The following TMEM182 variants were observed in gnomAD, a reference collection of about 807,000 sequenced individuals.
The protein encoded by TMEM182 is transmembrane protein 182.
Under a neutral mutation model 26.8 loss-of-function variants are expected in TMEM182, and 20 were observed. That is an observed-to-expected ratio of 0.75 (90% CI 0.53 to 1.09). The LOEUF is 1.09. Among genes scored for constraint, TMEM182 ranks in the 50% least tolerant of loss-of-function variants. TMEM182 has a pLI of 0.00. For synonymous variants in TMEM182, 109 were observed against 102.2 expected, an observed-to-expected ratio of 1.07 and a Z score of -0.40; for missense variants, 277 against 275.5, an observed-to-expected ratio of 1.01 and a Z score of -0.04.
At chr2:102,753,260 A>T (rs1679930316) in intron 1 of TMEM182, among the ~76,000 whole-genome samples, 2 of 151,380 alleles carry the variant, frequency 1.3e-5, no homozygotes, top group African/African-American at 4.8e-5. Flanking sequence ...TGTGAAATAG[A>T]GGCTGGAGCT....
At chr2:102,788,735 G>T (rs1297095545) in intron 3 of TMEM182, among the ~76,000 whole-genome samples, 1 of 152,066 alleles carries the variant, frequency 6.6e-6, no homozygotes, top group Non-Finnish European at 1.5e-5. Context: ...GTGGAAGGTG[G>T]AATCCCTCCC....
At chr2:102,835,654 T>A (rs914600860) in intron 3 of TMEM182, among the ~76,000 whole-genome samples, 1 of 152,206 alleles carries the variant, frequency 6.6e-6, no homozygotes, top group African/African-American at 2.4e-5. Context: ...ACCATTTTTA[T>A]AGCTTTGTGC....
chr2:102,815,085 T>A lies in TMEM182; in HGVS notation c.*117T>A, dbSNP rs1053593281. The stretch of plus-strand genomic sequence containing the variant: ...GTAGATATAACTTTTTAGTTGCTAT[T>A]CAAATTAATCATTTTACTAAAATTT... On this transcript the variant is annotated 3_prime_UTR_variant, in exon 5 of 5. Coordinates refer to ENST00000412401, the MANE Select transcript of TMEM182 (RefSeq NM_144632.5). 9.5e-5 allele frequency: 138 copies of A among 1,454,818 alleles called. No individual in the cohort carries two copies. The highest frequency in any genetic ancestry group is 1.2e-4 in the Non-Finnish European group (132 of 1,111,454). 90.1% of individuals were successfully genotyped at this position (1,454,818 alleles called of 1,614,324 possible). A position where few individuals can be genotyped will look rare whatever the true frequency, so the allele number is the denominator to read the frequency against.
chr2:102,824,560 C>T (rs916960661), intron 3 of TMEM182, among the ~76,000 whole-genome samples: 6 of 152,148 alleles, frequency 3.9e-5, no homozygotes, highest in Non-Finnish European at 5.9e-5. Flanking sequence ...CGTGGTGGCT[C>T]ATGCCTGTAA....
At chr2:102,756,968 A>G (rs774143653) in intron 1 of TMEM182, among the ~76,000 whole-genome samples, 18 of 151,944 alleles carry the variant, frequency 1.2e-4, no homozygotes, top group Non-Finnish European at 2.1e-4. Flanking sequence ...ACCTGCTACC[A>G]CGCCTGCTAA....
intron 3 of TMEM182, among the ~76,000 whole-genome samples, chr2:102,783,671 A>G (rs1471215063): frequency 6.6e-6 from 1 of 152,152 alleles, no homozygotes; most frequent in Non-Finnish European, 1.5e-5. Flanking sequence ...AGTTCCAGCA[A>G]CTCAGGAGAC....
intron 3 of TMEM182, among the ~76,000 whole-genome samples, chr2:102,774,012 A>G (rs1164344679): frequency 6.6e-6 from 1 of 152,168 alleles, no homozygotes; most frequent in African/African-American, 2.4e-5. Flanking sequence ...ATTTCATTTT[A>G]GAAATTTTTA....
intron 3 of TMEM182, among the ~76,000 whole-genome samples, chr2:102,784,859 G>C (rs1049875231): frequency 2.6e-5 from 4 of 152,218 alleles, no homozygotes; most frequent in East Asian, 1.9e-4. Flanking sequence ...TCTTGGTTTT[G>C]GTGGGTTTTT....
chr2:102,747,386 C>T (rs1045310496), intron 1 of TMEM182, among the ~76,000 whole-genome samples: 2 of 152,190 alleles, frequency 1.3e-5, no homozygotes, highest in African/African-American at 4.8e-5. Flanking sequence ...ACAGACCCAA[C>T]TAATTCTATG....
intron 3 of TMEM182, among the ~76,000 whole-genome samples, chr2:102,779,898 G>A (rs1406724992): frequency 6.6e-6 from 1 of 152,138 alleles, no homozygotes; most frequent in African/African-American, 2.4e-5. Flanking sequence ...AGCTACTCGG[G>A]AGGCTGAGGC....
At chr2:102,764,550 A>G (rs1035534577) in intron 3 of TMEM182, 123 bp downstream of exon 3, 29 of 677,888 alleles carry the variant, frequency 4.3e-5, no homozygotes, top group Admixed American at 9.9e-5. Flanking sequence ...AATATTTTTG[A>G]TATCTGTTAG....
At chr2:102,742,202 G>T (rs1679563654) in intron 1 of TMEM182, among the ~76,000 whole-genome samples, 2 of 152,104 alleles carry the variant, frequency 1.3e-5, no homozygotes, top group Non-Finnish European at 2.9e-5. Flanking sequence ...AGAATCAAAA[G>T]AAAATTATAG....
intron 3 of TMEM182, among the ~76,000 whole-genome samples, chr2:102,771,444 T>C (rs1216350479): frequency 6.6e-6 from 1 of 152,024 alleles, no homozygotes; most frequent in African/African-American, 2.4e-5. Context: ...GAGGGTAGAG[T>C]TGGCTTGAAA....
chr2:102,754,668 A>G (rs1328767001), intron 1 of TMEM182, among the ~76,000 whole-genome samples: 1 of 152,236 alleles, frequency 6.6e-6, no homozygotes, highest in Non-Finnish European at 1.5e-5. Flanking sequence ...AAACAAAAGT[A>G]GACTAGAATT....
chr2:102,759,441 C>A (rs992726806), upstream of TMEM182, among the ~76,000 whole-genome samples: 1 of 152,034 alleles, frequency 6.6e-6, no homozygotes, highest in African/African-American at 2.4e-5. Flanking sequence ...TTTTTACCCC[C>A]ACTAGCTTAT....
At chr2:102,823,631 C>A (rs912114529) in intron 3 of TMEM182, among the ~76,000 whole-genome samples, 3 of 152,194 alleles carry the variant, frequency 2.0e-5, no homozygotes, top group African/African-American at 4.8e-5. Context: ...CCATGCCCAG[C>A]CAGTTCTGTC....
chr2:102,804,325 C>A (rs976446124), intron 4 of TMEM182, among the ~76,000 whole-genome samples: 13 of 152,066 alleles, frequency 8.5e-5, no homozygotes, highest in African/African-American at 3.1e-4. Flanking sequence ...ACCCTTCCCC[C>A]CAAGTCCCCA....
chr2:102,743,269 G>A (rs981792021), intron 1 of TMEM182, among the ~76,000 whole-genome samples: 2 of 152,046 alleles, frequency 1.3e-5, no homozygotes, highest in Non-Finnish European at 2.9e-5. Flanking sequence ...ACCACAAAAT[G>A]TTTTGAAAAA....
At chr2:102,772,656 T>G (rs1206653391) in intron 3 of TMEM182, among the ~76,000 whole-genome samples, 1 of 152,182 alleles carries the variant, frequency 6.6e-6, no homozygotes, top group Non-Finnish European at 1.5e-5. Context: ...CATCACCTGG[T>G]GCCATCACTT....
Sources: gnomAD v4.1 joint callset for allele counts (sites outside exome capture counted in the v4.1 genomes callset) on GRCh38, gnomAD v4.1.1 for gene constraint, MANE v1.5 for transcripts, NCBI Gene and HGNC (gene_info 2026-07-23, HGNC 2026-07-21) for gene names.